Variants in GABPB1 observed in about 807,000 individuals in gnomAD.
The protein encoded by GABPB1 is GA-binding protein subunit beta-1.
Under a neutral mutation model 45.9 loss-of-function variants are expected in GABPB1, and 15 were observed. That is an observed-to-expected ratio of 0.33 (90% confidence interval 0.22 to 0.50). GABPB1 has a LOEUF of 0.50. Among genes scored for constraint, GABPB1 ranks in the 20% least tolerant of loss-of-function variants. The pLI, the probability that GABPB1 is intolerant of heterozygous loss-of-function variation, is 0.98. For synonymous variants in GABPB1, 143 were observed against 154.4 expected, an observed-to-expected ratio of 0.93 and a Z score of 0.55; for missense variants, 252 against 457.5, an observed-to-expected ratio of 0.55 and a Z score of 4.10.
At chr15:50,318,676 A>C (rs2047437730) in intron 1 of GABPB1, among the ~76,000 whole-genome samples, 1 of 152,188 alleles carries the variant, frequency 6.6e-6, no homozygotes, top group African/African-American at 2.4e-5. Flanking sequence ...GGAGCCAGAG[A>C]ACAGAGTTCC....
At chr15:50,323,998 T>TG (rs2047663653) in intron 1 of GABPB1, among the ~76,000 whole-genome samples, 1 of 152,180 alleles carries the variant, frequency 6.6e-6, no homozygotes, top group Admixed American at 6.5e-5. Flanking sequence ...ACCCTGGAGT[T>TG]GGAGACCTGC....
chr15:50,285,063 A>T (rs1213737660), intron 8 of GABPB1, among the ~76,000 whole-genome samples: 1 of 152,148 alleles, frequency 6.6e-6, no homozygotes, highest in African/African-American at 2.4e-5. Context: ...GTATTTTCTC[A>T]TTGTCTTTAG....
intron 1 of GABPB1, chr15:50,354,166 A>T: frequency 3.1e-6 from 1 of 320,712 alleles, no homozygotes; most frequent in Non-Finnish European, 6.1e-6. Flanking sequence ...AACACACTAA[A>T]CACACAGTGA....
intron 1 of GABPB1, chr15:50,346,453 A>T (rs1286715703): frequency 6.6e-6 from 1 of 152,238 alleles, no homozygotes; most frequent in African/African-American, 2.4e-5. Context: ...GGAGTCCAGT[A>T]AAATATAAAA....
intron 2 of GABPB1, among the ~76,000 whole-genome samples, chr15:50,305,417 T>C (rs2046914691): frequency 6.6e-6 from 1 of 152,122 alleles, no homozygotes; most frequent in African/African-American, 2.4e-5. Context: ...ATAGGTACAA[T>C]TATCACACAC....
chr15:50,303,880 T>C (rs748364142), intron 3 of GABPB1, 86 bp downstream of exon 3: 30 of 967,336 alleles, frequency 3.1e-5, no homozygotes, highest in Non-Finnish European at 4.4e-5. Flanking sequence ...AAATACTAAG[T>C]AGGCATTTAA....
chr15:50,276,671 A>G lies in GABPB1; in HGVS notation c.*1961T>C, dbSNP rs982833291. The G allele has an allele frequency of 1.3e-5, 2 of 152,194 alleles. No homozygotes were observed. Among genetic ancestry groups the G allele is most frequent in the Non-Finnish European group, 1.5e-5 (1 of 68,034 alleles). 9.4% of individuals were successfully genotyped at this position (152,194 alleles called of 1,614,324 possible). ...CAAACTTGTTCCCAACACTGTCTTG[A>G]GTCTTTTCAGGGCCAGCCTGGTCTG... On this transcript the variant is annotated 3_prime_UTR_variant, in exon 9 of 9. Coordinates refer to ENST00000380877, the MANE Select transcript of GABPB1 (RefSeq NM_016654.5).
intron 1 of GABPB1, among the ~76,000 whole-genome samples, chr15:50,342,784 A>T (rs2048423294): frequency 6.6e-6 from 1 of 152,248 alleles, no homozygotes; most frequent in African/African-American, 2.4e-5. Flanking sequence ...GAGTCAGAAT[A>T]AACAATCATC....
At chr15:50,301,103 A>C (rs2046726413) in intron 5 of GABPB1, 154 bp downstream of exon 5, 2 of 1,158,074 alleles carry the variant, frequency 1.7e-6, no homozygotes, top group African/African-American at 1.5e-5. Flanking sequence ...AGTTATACCA[A>C]AGAAAACAAA....
At chr15:50,290,769 GTA>G (rs1451577209) in intron 6 of GABPB1, among the ~76,000 whole-genome samples, 1 of 152,188 alleles carries the variant, frequency 6.6e-6, no homozygotes, top group African/African-American at 2.4e-5. Context: ...AGTAAATAGT[GTA>G]TGTTAACATT....
chr15:50,348,936 T>C (rs2048713959), intron 1 of GABPB1: 1 of 152,096 alleles, frequency 6.6e-6, no homozygotes, highest in Admixed American at 6.6e-5. Context: ...GAGGTGGACA[T>C]TTTCCATTAT....
chr15:50,325,043 G>A (rs2047701298), intron 1 of GABPB1, among the ~76,000 whole-genome samples: 1 of 152,142 alleles, frequency 6.6e-6, no homozygotes, highest in Admixed American at 6.5e-5. Context: ...CATGCCCAAG[G>A]AAGGTGTTCA....
chr15:50,354,313 G>A, intron 1 of GABPB1: 1 of 448,360 alleles, frequency 2.2e-6, no homozygotes, highest in South Asian at 1.6e-5. Flanking sequence ...TCCCCCTCAG[G>A]ACTCCAGTCC....
chr15:50,285,926 G>A (rs577350954), intron 8 of GABPB1, 142 bp downstream of exon 8: 2 of 1,426,286 alleles, frequency 1.4e-6, no homozygotes, highest in South Asian at 3.3e-5. Context: ...ATATGTATAA[G>A]GCAAAAATAA....
intron 2 of GABPB1, among the ~76,000 whole-genome samples, chr15:50,306,165 G>T (rs2046941623): frequency 1.3e-5 from 2 of 151,994 alleles, no homozygotes; most frequent in South Asian, 4.2e-4. Flanking sequence ...TTTGAGATGG[G>T]GTCTATGTTG....
At chr15:50,341,148 T>C (rs1466798377) in intron 1 of GABPB1, among the ~76,000 whole-genome samples, 1 of 152,094 alleles carries the variant, frequency 6.6e-6, no homozygotes, top group Non-Finnish European at 1.5e-5. Context: ...GCCAAATTTA[T>C]CAAAATATCT....
chr15:50,309,920 A>G (rs1437735905), intron 1 of GABPB1, 122 bp from the exon 2 acceptor site: 6 of 566,344 alleles, frequency 1.1e-5, no homozygotes, highest in East Asian at 2.8e-5. Context: ...AGAGTGTGCT[A>G]TGGTTAATTT....
At chr15:50,321,978 T>C (rs1343318014) in intron 1 of GABPB1, among the ~76,000 whole-genome samples, 1 of 94,460 alleles carries the variant, frequency 1.1e-5, no homozygotes, top group Non-Finnish European at 2.1e-5. Context: ...TTAACAGATG[T>C]GACCAAAAAA....
At chr15:50,314,612 C>T (rs1442664608) in intron 1 of GABPB1, 1 of 152,330 alleles carries the variant, frequency 6.6e-6, no homozygotes, top group African/African-American at 2.4e-5. Flanking sequence ...GGATGCTCTG[C>T]TAGCATTTAA....
Sources: gnomAD v4.1 joint callset for allele counts (sites outside exome capture counted in the v4.1 genomes callset) on GRCh38, gnomAD v4.1.1 for gene constraint, MANE v1.5 for transcripts, NCBI Gene and HGNC (gene_info 2026-07-23, HGNC 2026-07-21) for gene names.